The following RRM2 variants were observed in gnomAD, a reference collection of about 807,000 sequenced individuals.
RRM2 encodes the protein ribonucleotide reductase regulatory subunit M2, also known as ribonucleoside-diphosphate reductase subunit M2.
Under a neutral mutation model 45.9 loss-of-function variants are expected in RRM2, and 6 were observed. The observed-to-expected ratio is 0.13, with a 90% CI of 0.07 to 0.26. The LOEUF (loss-of-function observed/expected upper bound fraction) is 0.26, where lower values mean the gene tolerates loss of function less well. Among genes scored for constraint, RRM2 ranks in the 10% least tolerant of loss-of-function variants. The probability of loss-of-function intolerance (pLI) is 1.00; values close to 1 mark genes in which losing one functional copy is unlikely to be tolerated. For missense variants in RRM2, 343 were observed against 489.5 expected, an observed-to-expected ratio of 0.70 and a Z score of 2.82; for synonymous variants, 177 against 173.0, an observed-to-expected ratio of 1.02 and a Z score of -0.18.
At chr2:10,210,539 C>G (rs1664742109) in exon 4 of RRM2, 2 of 1,367,020 alleles carry the variant, frequency 1.5e-6, no homozygotes, top group African/African-American at 3.0e-5. Flanking sequence ...TCACTGGACT[C>G]CACACAGGCC....
At chr2:10,126,261 G>GAGT (rs1662779254) in intron 5 of RRM2, among the ~76,000 whole-genome samples, 1 of 149,560 alleles carries the variant, frequency 6.7e-6, no homozygotes, top group Admixed American at 6.7e-5. Context: ...TCTGGGAAAT[G>GAGT]AGTAGCCTCT....
At chr2:10,184,035 G>C (rs1281958894) in intron 3 of RRM2, among the ~76,000 whole-genome samples, 2 of 134,336 alleles carry the variant, frequency 1.5e-5, no homozygotes, top group Non-Finnish European at 3.1e-5. Flanking sequence ...GGAGCTTACA[G>C]TGAGCCAAGA....
At chr2:10,196,798 C>T (rs372116394) in intron 3 of RRM2, among the ~76,000 whole-genome samples, 1 of 152,214 alleles carries the variant, frequency 6.6e-6, no homozygotes, top group Non-Finnish European at 1.5e-5. Context: ...GGGCCGCAGC[C>T]GGGACAGGAG....
chr2:10,142,239 G>A (rs1199171194), intron 2 of RRM2: 1 of 1,507,320 alleles, frequency 6.6e-7, no homozygotes, highest in Non-Finnish European at 9.0e-7. Flanking sequence ...TAAAGAGTCT[G>A]GATTTCATTT....
chr2:10,125,163 T>G (rs1416032940), intron 5 of RRM2, among the ~76,000 whole-genome samples: 1 of 152,196 alleles, frequency 6.6e-6, no homozygotes, highest in Non-Finnish European at 1.5e-5. Flanking sequence ...TTGGTAAAGT[T>G]GTTGAGAAGC....
intron 4 of RRM2, 34 bp downstream of exon 4, chr2:10,123,886 G>C (rs767257528): frequency 1.6e-6 from 2 of 1,214,140 alleles, no homozygotes; most frequent in South Asian, 2.4e-5. Flanking sequence ...TTCATTTGAC[G>C]TTGACGATCT....
intron 3 of RRM2, among the ~76,000 whole-genome samples, chr2:10,182,907 A>G (rs13429554): frequency 0.25 from 37,665 of 152,038 alleles, 5,220 homozygotes; most frequent in East Asian, 0.51. Flanking sequence ...GCTGGGTGTA[A>G]TGGTTCATAC....
intron 3 of RRM2, among the ~76,000 whole-genome samples, chr2:10,151,115 G>A (rs923758308): frequency 5.3e-5 from 8 of 151,808 alleles, no homozygotes; most frequent in African/African-American, 1.9e-4. Flanking sequence ...GCCTGGCCTA[G>A]CATAGTTATT....
intron 2 of RRM2, 40 bp downstream of exon 2, chr2:10,123,097 T>G: frequency 5.3e-6 from 8 of 1,515,592 alleles, no homozygotes; most frequent in Non-Finnish European, 7.1e-6. Flanking sequence ...AGGGACGGCC[T>G]TGGGCGTCTT....
At chr2:10,173,918 G>A (rs549888826) in intron 3 of RRM2, among the ~76,000 whole-genome samples, 2 of 152,332 alleles carry the variant, frequency 1.3e-5, no homozygotes, top group South Asian at 2.1e-4. Context: ...GGTGTGCTCC[G>A]TGGGGGGCGT....
At chr2:10,134,096 T>G (rs1280612083), downstream of RRM2, among the ~76,000 whole-genome samples, 2 of 146,662 alleles carry the variant, frequency 1.4e-5, no homozygotes, top group Non-Finnish European at 3.0e-5. Flanking sequence ...GAGAATCACT[T>G]GAACCTGGGA....
chr2:10,160,927 G>T (rs1425805135), intron 3 of RRM2, among the ~76,000 whole-genome samples: 2 of 152,136 alleles, frequency 1.3e-5, no homozygotes, highest in East Asian at 3.9e-4. Context: ...GCCTGGCCCT[G>T]AGACCCCCAG....
intron 3 of RRM2, among the ~76,000 whole-genome samples, chr2:10,175,237 C>T (rs559777572): frequency 3.3e-5 from 5 of 152,260 alleles, no homozygotes; most frequent in African/African-American, 1.2e-4. Context: ...GCCACACTCA[C>T]ACTCTCTTCA....
At chr2:10,209,057 C>CTTTTT (rs1553330335) in intron 3 of RRM2, among the ~76,000 whole-genome samples, 1 of 102,514 alleles carries the variant, frequency 9.8e-6, no homozygotes, top group African/African-American at 3.6e-5. Context: ...TTCTTTCTTT[C>CTTTTT]TTTTTTTTTT....
intron 3 of RRM2, among the ~76,000 whole-genome samples, chr2:10,157,149 C>T (rs948206177): frequency 1.3e-5 from 2 of 151,782 alleles, no homozygotes; most frequent in Admixed American, 1.3e-4. Context: ...CTGCCTCGGC[C>T]TCCCGAGTAG....
intron 3 of RRM2, among the ~76,000 whole-genome samples, chr2:10,178,828 C>T (rs1040407648): frequency 1.2e-4 from 19 of 152,254 alleles, no homozygotes; most frequent in African/African-American, 4.6e-4. Flanking sequence ...GCTGTGACCT[C>T]ATGAGTAGGA....
In RRM2 at chr2:10,169,614, G is replaced by A. The variant is rs570737127; in HGVS notation, n.482+27239G>A. Among the ~76,000 whole-genome samples, 5 of 152,280 alleles carry A rather than the reference G, an allele frequency of 3.3e-5. No individual in the cohort carries two copies. The highest frequency in any genetic ancestry group is 6.5e-5 in the Admixed American group (1 of 15,304). On this transcript the variant is annotated intron_variant and non_coding_transcript_variant, in intron 3 of 3. Transcript: ENST00000381786. The surrounding 1 kb of genome is among the most constrained non-coding windows in gnomAD (Gnocchi z 5.1). ...CAGAGGGAGGGCATTTGAAGACGGCGGCTGCTCCTTGGAAGCTGGCAGGCA... is the reference window on the plus strand; with the variant it reads ...CAGAGGGAGGGCATTTGAAGACGGCAGCTGCTCCTTGGAAGCTGGCAGGCA...
exon 4 of RRM2, chr2:10,210,574 C>T (rs768960012): frequency 7.3e-7 from 1 of 1,366,208 alleles, no homozygotes; most frequent in South Asian, 1.1e-5. Context: ...ACCCACCATT[C>T]TCAGACCCCC....
In RRM2 at chr2:10,126,710, A is replaced by G. The variant is rs112169984; in HGVS notation, c.570-165A>G. 5 of 642,282 alleles carry G rather than the reference A, an allele frequency of 7.8e-6. No homozygotes were observed. The African/African-American group carries it at 9.0e-5, about 12-fold the overall frequency. The allele number at this position is 642,282 out of a possible 1,614,324, so 39.8% of individuals were successfully genotyped here. On this transcript the variant is annotated intron_variant, in intron 5 of 9. Transcript: ENST00000304567. ...TTTTTAAAAGAACACTGGAGGGAAA[A>G]ACTGACCAGTAAAAATAAAACATTT...
Sources: allele counts gnomAD v4.1 joint callset (sites outside exome capture counted in the v4.1 genomes callset), GRCh38; gene constraint gnomAD v4.1.1; non-coding constraint Gnocchi (gnomAD v3.1); transcripts MANE v1.5; gene names NCBI Gene and HGNC (gene_info 2026-07-23, HGNC 2026-07-21).